Variants in PEAK1 observed in about 807,000 individuals in gnomAD.
The protein encoded by PEAK1 is inactive tyrosine-protein kinase PEAK1.
In PEAK1, 54 loss-of-function variants were observed where a neutral mutation model predicts 124.7. That is an observed-to-expected ratio of 0.43 (90% confidence interval 0.35 to 0.54). The LOEUF is 0.54. Among genes scored for constraint, PEAK1 ranks in the 20% least tolerant of loss-of-function variants. The pLI, the probability that PEAK1 is intolerant of heterozygous loss-of-function variation, is 0.01. For missense variants in PEAK1, 2,046 were observed against 2,134.5 expected, an observed-to-expected ratio of 0.96 and a Z score of 0.82; for synonymous variants, 719 against 760.0, an observed-to-expected ratio of 0.95 and a Z score of 0.89.
chr15:77,166,437 G>A (rs977927371), intron 7 of PEAK1, among the ~76,000 whole-genome samples: 18 of 152,160 alleles, frequency 1.2e-4, no homozygotes, highest in African/African-American at 4.1e-4. Flanking sequence ...TCTTTGTTGT[G>A]GAGGGCTATC....
intron 2 of PEAK1, among the ~76,000 whole-genome samples, chr15:77,301,847 G>A (rs1336855929): frequency 6.6e-6 from 1 of 152,116 alleles, no homozygotes; most frequent in Non-Finnish European, 1.5e-5. Context: ...CTTTTGCATG[G>A]GAGATTTATC....
chr15:77,404,724 A>G (rs776314386), intron 1 of PEAK1: 97 of 944,098 alleles, frequency 1.0e-4, no homozygotes, highest in Non-Finnish European at 1.1e-4. Flanking sequence ...AGTAGGAGGT[A>G]GGATTTATTA....
chr15:77,410,415 G>A (rs770095180), intron 1 of PEAK1, among the ~76,000 whole-genome samples: 1 of 152,104 alleles, frequency 6.6e-6, no homozygotes, highest in Non-Finnish European at 1.5e-5. Context: ...GTGAGCCATC[G>A]CACCCGTCTG....
At chr15:77,231,500 C>G (rs887646436) in intron 6 of PEAK1, among the ~76,000 whole-genome samples, 1 of 152,254 alleles carries the variant, frequency 6.6e-6, no homozygotes, top group South Asian at 2.1e-4. Flanking sequence ...ACAAGTTGCA[C>G]TTGCAGAATT....
chr15:77,362,959 G>A (rs912304184), intron 2 of PEAK1, among the ~76,000 whole-genome samples: 1 of 152,132 alleles, frequency 6.6e-6, no homozygotes, highest in East Asian at 1.9e-4. Context: ...GGGTTCAAGC[G>A]ATTCTCCTGC....
rs2060355660 is a variant in PEAK1 at position 77,241,515 on chromosome 15, G to C, written c.-115+10852C>G. ...AAAGAAGTAAAAGGCATATATATTG[G>C]AAAGGAAAAAATAAAACTGTACCTA... On this transcript the variant is annotated intron_variant, in intron 6 of 9. Coordinates refer to ENST00000682557, the MANE Select transcript of PEAK1 (RefSeq NM_001385026.1). Among the ~76,000 whole-genome samples the C allele has an allele frequency of 2.6e-5, 4 of 152,040 alleles. No individual in the cohort carries two copies. In the South Asian group the frequency reaches 8.3e-4, roughly 32 times the overall value.
intron 5 of PEAK1, chr15:77,278,508 C>T (rs1281799371): frequency 3.6e-5 from 18 of 496,576 alleles, no homozygotes; most frequent in Middle Eastern, 3.5e-4. Context: ...GGAGATAAAG[C>T]CAAAGTGAGG....
intron 5 of PEAK1, 91 bp downstream of exon 5, chr15:77,283,792 T>TA (rs1175063241): frequency 2.4e-5 from 13 of 544,190 alleles, no homozygotes; most frequent in Non-Finnish European, 3.0e-5. Context: ...ACAAGGATAT[T>TA]AAAAGTCAAT....
intron 8 of PEAK1, among the ~76,000 whole-genome samples, chr15:77,154,002 C>T (rs1052500048): frequency 3.3e-5 from 5 of 152,140 alleles, no homozygotes; most frequent in Non-Finnish European, 5.9e-5. Context: ...CTATTAGGTC[C>T]ACTTGGTGCA....
At chr15:77,162,913 T>C (rs1005911752) in intron 7 of PEAK1, among the ~76,000 whole-genome samples, 1 of 152,198 alleles carries the variant, frequency 6.6e-6, no homozygotes, top group Non-Finnish European at 1.5e-5. Flanking sequence ...GACCAGTGTA[T>C]CTAATTTTTT....
chr15:77,265,824 C>T (rs1300392249), intron 5 of PEAK1, among the ~76,000 whole-genome samples: 5 of 151,950 alleles, frequency 3.3e-5, no homozygotes, highest in South Asian at 2.1e-4. Context: ...TATTGTGGCA[C>T]TATTCACAAT....
chr15:77,348,696 G>A, intron 2 of PEAK1: 4 of 985,064 alleles, frequency 4.1e-6, no homozygotes, highest in Non-Finnish European at 4.8e-6. Flanking sequence ...TAGTTAATCT[G>A]ACTCACGGGA....
chr15:77,322,782 G>A (rs2065308975), intron 2 of PEAK1, among the ~76,000 whole-genome samples: 1 of 152,116 alleles, frequency 6.6e-6, no homozygotes, highest in Admixed American at 6.5e-5. Flanking sequence ...CATTTTATGA[G>A]GCCAGCATCA....
intron 2 of PEAK1, among the ~76,000 whole-genome samples, chr15:77,296,423 C>T (rs1383060059): frequency 6.6e-6 from 1 of 151,596 alleles, no homozygotes; most frequent in African/African-American, 2.4e-5. Flanking sequence ...AGCAGCCTGG[C>T]CAACATGGTG....
chr15:77,349,788 T>A, intron 2 of PEAK1: 1 of 985,098 alleles, frequency 1.0e-6, no homozygotes, highest in Non-Finnish European at 1.2e-6. Context: ...AGGTTACAAA[T>A]ACTGCATTGT....
At chr15:77,329,484 A>G (rs2065774971) in intron 2 of PEAK1, among the ~76,000 whole-genome samples, 1 of 152,182 alleles carries the variant, frequency 6.6e-6, no homozygotes, top group Admixed American at 6.5e-5. Flanking sequence ...CTCTCTGCCA[A>G]CCAGCATGCT....
At chr15:77,141,141 C>T (rs1034393482) in intron 8 of PEAK1, among the ~76,000 whole-genome samples, 5 of 152,058 alleles carry the variant, frequency 3.3e-5, no homozygotes, top group African/African-American at 1.2e-4. Flanking sequence ...TATTGAGAAG[C>T]GTAGCGAATC....
chr15:77,176,397 G>A (rs911738085), intron 7 of PEAK1, among the ~76,000 whole-genome samples: 3 of 151,860 alleles, frequency 2.0e-5, no homozygotes, highest in Non-Finnish European at 4.4e-5. Flanking sequence ...TAATGGTGGT[G>A]AGACCAGCAG....
rs969865945 is a variant in PEAK1, at chr15:77,346,737, C to T, written c.-603+18426G>A. 4.0e-5 allele frequency: 39 copies of T among 982,938 alleles called. No individual in the cohort carries two copies. In the East Asian group the frequency reaches 6.8e-4, roughly 17 times the overall value. 60.9% of individuals were successfully genotyped at this position (982,938 alleles called of 1,614,324 possible). On this transcript the variant is annotated intron_variant, in intron 2 of 9. Coordinates refer to ENST00000682557, the MANE Select transcript of PEAK1 (RefSeq NM_001385026.1). Reference sequence around the variant, plus strand: ...GAAAAAGAATGAAAAGACATTTGTACGAATAGCTGGTAGAAAAAATATTCA... The same window carrying T: ...GAAAAAGAATGAAAAGACATTTGTATGAATAGCTGGTAGAAAAAATATTCA...
Sources: allele counts gnomAD v4.1 joint callset (sites outside exome capture counted in the v4.1 genomes callset), GRCh38; gene constraint gnomAD v4.1.1; transcripts MANE v1.5; gene names NCBI Gene and HGNC (gene_info 2026-07-23, HGNC 2026-07-21).